AUTS2: variants seen among roughly 807,000 people sequenced by gnomAD.
AUTS2 encodes autism susceptibility gene 2 protein.
AUTS2 carries 17 observed loss-of-function variants against 112.4 expected under a neutral mutation model. The ratio of observed to expected loss-of-function variants is 0.15; its 90% CI spans 0.10 to 0.23. AUTS2 has a LOEUF of 0.23. AUTS2 is among the 10% of genes least tolerant of loss of function. The probability of loss-of-function intolerance (pLI) is 1.00; values close to 1 mark genes in which losing one functional copy is unlikely to be tolerated. For missense variants in AUTS2, 1,510 were observed against 1,701.6 expected, an observed-to-expected ratio of 0.89 and a Z score of 1.98; for synonymous variants, 751 against 702.7, an observed-to-expected ratio of 1.07 and a Z score of -1.09.
intron 5 of AUTS2, among the ~76,000 whole-genome samples, chr7:70,477,479 G>A (rs1405070837): frequency 2.6e-5 from 4 of 152,150 alleles, no homozygotes; most frequent in Non-Finnish European, 4.4e-5. Context: ...TCTTCTTCAA[G>A]GTTAAACTCC....
chr7:70,370,587 A>G (rs779761208), intron 4 of AUTS2, among the ~76,000 whole-genome samples: 3 of 152,202 alleles, frequency 2.0e-5, no homozygotes, highest in Non-Finnish European at 2.9e-5. Flanking sequence ...TCATTAATTG[A>G]TAGACATTGG....
At chr7:70,648,879 C>T (rs1423642426) in intron 5 of AUTS2, among the ~76,000 whole-genome samples, 1 of 152,166 alleles carries the variant, frequency 6.6e-6, no homozygotes, top group African/African-American at 2.4e-5. Context: ...AGCCACCGCG[C>T]CCAGCCCTGG....
chr7:69,924,900 G>A (rs1795948182), intron 2 of AUTS2, among the ~76,000 whole-genome samples: 1 of 152,102 alleles, frequency 6.6e-6, no homozygotes, highest in African/African-American at 2.4e-5. Flanking sequence ...GAATCCATCT[G>A]GGCCTAGAGT....
At chr7:70,111,738 T>C (rs2129571490) in intron 2 of AUTS2, among the ~76,000 whole-genome samples, 1 of 152,294 alleles carries the variant, frequency 6.6e-6, no homozygotes, top group African/African-American at 2.4e-5. Context: ...CCATATTTTT[T>C]CATGTTCTGG....
chr7:69,749,866 A>G (rs1787662149), intron 1 of AUTS2, among the ~76,000 whole-genome samples: 1 of 152,192 alleles, frequency 6.6e-6, no homozygotes, highest in Non-Finnish European at 1.5e-5. Flanking sequence ...CATTTGTTTT[A>G]AAAACCACCC....
chr7:69,854,398 G>T (rs1414737494), intron 1 of AUTS2, among the ~76,000 whole-genome samples: 3 of 152,104 alleles, frequency 2.0e-5, no homozygotes, highest in Non-Finnish European at 4.4e-5. Flanking sequence ...GTATTCTCTT[G>T]TACTTCATCA....
intron 4 of AUTS2, among the ~76,000 whole-genome samples, chr7:70,266,518 A>G (rs180956771): frequency 5.3e-5 from 8 of 152,310 alleles, no homozygotes; most frequent in Non-Finnish European, 7.4e-5. Context: ...GATACATTTT[A>G]TGTTGCATAA....
intron 1 of AUTS2, among the ~76,000 whole-genome samples, chr7:69,655,459 C>G (rs1795484585): frequency 6.6e-6 from 1 of 152,228 alleles, no homozygotes; most frequent in African/African-American, 2.4e-5. Context: ...CCAGAAGTGT[C>G]AGCGTCATCT....
intron 4 of AUTS2, among the ~76,000 whole-genome samples, chr7:70,224,331 GTACAATACAATACAA>G (rs61077173): frequency 0.16 from 22,790 of 138,462 alleles, 1,979 homozygotes; most frequent in South Asian, 0.18. Flanking sequence ...ATACAGTACA[GTACAATACAATACAA>G]TACAATACAA....
Position 70,616,846 on chromosome 7 carries a change from G to A in AUTS2, c.691-81723G>A, listed in dbSNP as rs187848356. Reference sequence around the variant, plus strand: ...GAGAGGGAATGATGGCACTATTGATGGAACACGGTCCCAGAGGAGATCTGA... The same window carrying A: ...GAGAGGGAATGATGGCACTATTGATAGAACACGGTCCCAGAGGAGATCTGA... On this transcript the variant is annotated intron_variant, in intron 5 of 18. Transcript: ENST00000342771. 8.1e-4 allele frequency among the ~76,000 whole-genome samples: 120 copies of A among 147,924 alleles called. 1 individual carries two copies. Among genetic ancestry groups the A allele is most frequent in the African/African-American group, 2.9e-3 (118 of 40,234 alleles).
intron 1 of AUTS2, among the ~76,000 whole-genome samples, chr7:69,633,328 C>T (rs1335458617): frequency 6.6e-6 from 1 of 151,936 alleles, no homozygotes; most frequent in Non-Finnish European, 1.5e-5. Flanking sequence ...CACACACACA[C>T]CCCCCACAGT....
At chr7:70,711,557 T>C (rs1810051841) in intron 6 of AUTS2, among the ~76,000 whole-genome samples, 1 of 152,160 alleles carries the variant, frequency 6.6e-6, no homozygotes, top group Non-Finnish European at 1.5e-5. Flanking sequence ...GCCATCAGTG[T>C]CGGAGCACAG....
chr7:70,779,072 A>G (rs1790891533), intron 14 of AUTS2, among the ~76,000 whole-genome samples: 1 of 152,160 alleles, frequency 6.6e-6, no homozygotes, highest in South Asian at 2.1e-4. Flanking sequence ...ATTTTGCTTC[A>G]TGGCCCTAAG....
At chr7:70,311,000 T>A (rs182471595) in intron 4 of AUTS2, among the ~76,000 whole-genome samples, 3 of 152,306 alleles carry the variant, frequency 2.0e-5, no homozygotes, top group Admixed American at 2.0e-4. Flanking sequence ...TAGATTTTTG[T>A]GTCTCCAGTT....
chr7:69,846,211 G>GA (rs1407359193), intron 1 of AUTS2, among the ~76,000 whole-genome samples: 1 of 151,976 alleles, frequency 6.6e-6, no homozygotes, highest in South Asian at 2.1e-4. Context: ...AGAGTGTACA[G>GA]AAAAAAACGT....
intron 13 of AUTS2, among the ~76,000 whole-genome samples, chr7:70,775,625 A>G (rs532172223): frequency 1.4e-4 from 22 of 151,922 alleles, no homozygotes; most frequent in Non-Finnish European, 2.9e-4. Flanking sequence ...AACGAGTCCG[A>G]TCTCTTGTTA....
chr7:69,799,084 T>C (rs772603998), intron 1 of AUTS2, among the ~76,000 whole-genome samples: 97 of 152,094 alleles, frequency 6.4e-4, no homozygotes, highest in Non-Finnish European at 9.6e-4. Context: ...ATTTTTTTTT[T>C]CCTCAATCAC....
rs570115639 is a variant in AUTS2 at position 69,714,182 on chromosome 7, C to G, written c.309+114220C>G. Among the ~76,000 whole-genome samples, 7 of 151,782 alleles carry G rather than the reference C, an allele frequency of 4.6e-5. No individual in the cohort carries two copies. In the East Asian group the frequency reaches 1.4e-3, roughly 29 times the overall value. ...TTCAAGTGATCCTCCCACATCATCC[C>G]CTCAAGCTGTAGCTGGGACTACAGG... On this transcript the variant is annotated intron_variant, in intron 1 of 18. Coordinates refer to ENST00000342771, the MANE Select transcript of AUTS2 (RefSeq NM_015570.4).
At chr7:70,566,602 T>G (rs1335743559) in intron 5 of AUTS2, among the ~76,000 whole-genome samples, 1 of 152,218 alleles carries the variant, frequency 6.6e-6, no homozygotes, top group East Asian at 1.9e-4. Flanking sequence ...CATTTAAAGG[T>G]TTAACTGTTT....
Sources: gnomAD v4.1 joint callset for allele counts (sites outside exome capture counted in the v4.1 genomes callset) on GRCh38, gnomAD v4.1.1 for gene constraint, MANE v1.5 for transcripts, NCBI Gene and HGNC (gene_info 2026-07-23, HGNC 2026-07-21) for gene names.